Variants in DRC10 observed in about 807,000 individuals in gnomAD.
DRC10 encodes the protein dynein regulatory complex subunit 10.
the DRC10 span, among the ~76,000 whole-genome samples, chr12:113,215,912 G>A: frequency 1.3e-5 from 2 of 152,200 alleles, no homozygotes; most frequent in African/African-American, 4.8e-5. Flanking sequence ...TGTCATTGCT[G>A]GTGGGAATGC....
At chr12:113,219,070 C>T in the DRC10 span, among the ~76,000 whole-genome samples, 2 of 152,190 alleles carry the variant, frequency 1.3e-5, no homozygotes, top group Non-Finnish European at 2.9e-5. Context: ...GGGTCTCACT[C>T]TGTCACATAG....
chr12:113,220,977 T>C, the DRC10 span: 1 of 357,178 alleles, frequency 2.8e-6, no homozygotes. Context: ...TCCGCGACCC[T>C]TTCCCAACTG....
chr12:113,206,580 T>G, the DRC10 span, among the ~76,000 whole-genome samples: 1 of 152,126 alleles, frequency 6.6e-6, no homozygotes, highest in Non-Finnish European at 1.5e-5. Context: ...GCAAGACTGC[T>G]AGCAAGCAGC....
chr12:113,220,314 G>A, the DRC10 span, among the ~76,000 whole-genome samples: 1 of 152,150 alleles, frequency 6.6e-6, no homozygotes, highest in Non-Finnish European at 1.5e-5. Flanking sequence ...GGAGTGCAAT[G>A]GCGCTATCTT....
At chr12:113,195,787 G>A in the DRC10 span, 38 of 1,613,698 alleles carry the variant, frequency 2.4e-5, no homozygotes, top group Middle Eastern at 3.3e-4. Context: ...CGCTCTTCCC[G>A]GATCTGCGCA....
chr12:113,200,718 C>T, the DRC10 span: 1 of 1,536,214 alleles, frequency 6.5e-7, no homozygotes, highest in Admixed American at 2.0e-5. Context: ...GCTTCTCAGC[C>T]TCCTGCTTAG....
the DRC10 span, chr12:113,200,652 C>T: frequency 3.3e-6 from 5 of 1,536,058 alleles, no homozygotes; most frequent in Non-Finnish European, 4.4e-6. Flanking sequence ...GCTGCAGGAT[C>T]TCCTGCTGGA....
chr12:113,196,211 A>G, the DRC10 span, among the ~76,000 whole-genome samples: 3 of 152,096 alleles, frequency 2.0e-5, no homozygotes, highest in Non-Finnish European at 4.4e-5. Context: ...TCCTCATCTG[A>G]AACATGGGGA....
At chr12:113,208,332 C>T in the DRC10 span, 6 of 1,423,198 alleles carry the variant, frequency 4.2e-6, no homozygotes, top group South Asian at 1.6e-5. Flanking sequence ...GCAGAAACCA[C>T]AACTGTTGAC....
chr12:113,204,248 T>C, the DRC10 span, among the ~76,000 whole-genome samples: 1 of 152,222 alleles, frequency 6.6e-6, no homozygotes, highest in African/African-American at 2.4e-5. Flanking sequence ...AACTAAAAAC[T>C]TCTAGAAACC....
At chr12:113,207,236 T>C in the DRC10 span, 1 of 637,910 alleles carries the variant, frequency 1.6e-6, no homozygotes, top group Non-Finnish European at 2.8e-6. Context: ...TAATCCCAAC[T>C]ACTTGGGAGG....
chr12:113,218,678 C>G, the DRC10 span, among the ~76,000 whole-genome samples: 16 of 152,140 alleles, frequency 1.1e-4, no homozygotes, highest in African/African-American at 3.9e-4. Context: ...CTCCTAGGCT[C>G]AAACTAGGAT....
At chr12:113,208,042 G>A in the DRC10 span, 1 of 1,614,208 alleles carries the variant, frequency 6.2e-7, no homozygotes, top group East Asian at 2.2e-5. Context: ...GGTGAGTTTG[G>A]TCCTAGAGAG....
the DRC10 span, among the ~76,000 whole-genome samples, chr12:113,206,464 CA>C: frequency 1.3e-5 from 2 of 151,998 alleles, no homozygotes; most frequent in African/African-American, 4.8e-5. Flanking sequence ...GGGTTGAGTA[CA>C]GAATGTGAGG....
the DRC10 span, among the ~76,000 whole-genome samples, chr12:113,196,206 A>G: frequency 6.6e-6 from 1 of 152,150 alleles, no homozygotes; most frequent in African/African-American, 2.4e-5. Context: ...GTTTTTCCTC[A>G]TCTGAAACAT....
chr12:113,215,411 C>T, the DRC10 span, among the ~76,000 whole-genome samples: 2,410 of 152,304 alleles, frequency 0.016, 88 homozygotes, highest in East Asian at 0.15. Context: ...TTAATATCAA[C>T]ACTTTAATGT....
At chr12:113,219,410 C>T in the DRC10 span, among the ~76,000 whole-genome samples, 2 of 152,142 alleles carry the variant, frequency 1.3e-5, no homozygotes, top group Non-Finnish European at 2.9e-5. Context: ...CTGTACCTAC[C>T]GGCAACATAT....
the DRC10 span, chr12:113,200,758 A>C: frequency 6.5e-7 from 1 of 1,535,966 alleles, no homozygotes; most frequent in Non-Finnish European, 8.7e-7. Flanking sequence ...TGAGAACTTG[A>C]GCACCTGGTG....
chr12:113,198,037 C>G, the DRC10 span, among the ~76,000 whole-genome samples: 1 of 152,034 alleles, frequency 6.6e-6, no homozygotes, highest in Non-Finnish European at 1.5e-5. Context: ...GCCAACATGC[C>G]AAAACCCCAT....
Sources: gnomAD v4.1 joint callset for allele counts (sites outside exome capture counted in the v4.1 genomes callset) on GRCh38, gnomAD v4.1.1 for gene constraint, MANE v1.5 for transcripts, NCBI Gene and HGNC (gene_info 2026-07-23, HGNC 2026-07-21) for gene names.